The following WDR27 variants were observed in gnomAD, a reference collection of about 807,000 sequenced individuals.
WDR27 encodes the protein WD repeat domain 27.
A neutral mutation model predicts 114.4 loss-of-function variants in WDR27; 100 were observed. The ratio of observed to expected loss-of-function variants is 0.87; its 90% CI spans 0.74 to 1.03. WDR27 has a LOEUF of 1.03. WDR27 is among the 50% of genes least tolerant of loss of function. The probability of loss-of-function intolerance (pLI) is 0.00; values close to 1 mark genes in which losing one functional copy is unlikely to be tolerated. For missense variants in WDR27, 1,129 were observed against 1,092.9 expected, an observed-to-expected ratio of 1.03 and a Z score of -0.47; for synonymous variants, 449 against 423.1, an observed-to-expected ratio of 1.06 and a Z score of -0.75.
chr6:169,476,238 A>G (rs1787140376), intron 25 of WDR27, among the ~76,000 whole-genome samples: 1 of 151,878 alleles, frequency 6.6e-6, no homozygotes, highest in Non-Finnish European at 1.5e-5. Context: ...AGGGCATAAA[A>G]CCCCTCGTGG....
chr6:169,569,240 C>A (rs1800981065), intron 25 of WDR27, among the ~76,000 whole-genome samples: 1 of 149,800 alleles, frequency 6.7e-6, no homozygotes, highest in South Asian at 2.1e-4. Flanking sequence ...AAATTCAATT[C>A]ATTAAACACT....
rs895897211 is a variant in WDR27 at position 169,497,329 on chromosome 6, C to T, written c.2646-39695G>A. Among the ~76,000 whole-genome samples, 2 of 151,974 alleles carry T rather than the reference C, an allele frequency of 1.3e-5. 1 individual carries two copies. The highest frequency in any genetic ancestry group is 4.1e-4 in the South Asian group (2 of 4,824). ...ACAATAAAACTCTTAGAAGAAAACACAGGAAAAAAGCTTTCCAGCATTGAA... is the reference window on the plus strand; with the variant it reads ...ACAATAAAACTCTTAGAAGAAAACATAGGAAAAAAGCTTTCCAGCATTGAA... On this transcript the variant is annotated intron_variant, in intron 25 of 25. Coordinates refer to ENST00000448612, the MANE Select transcript of WDR27 (RefSeq NM_182552.5).
At chr6:169,471,575 G>A (rs1583621116) in intron 25 of WDR27, among the ~76,000 whole-genome samples, 1 of 152,310 alleles carries the variant, frequency 6.6e-6, no homozygotes, top group Admixed American at 6.5e-5. Flanking sequence ...TATGTCATCT[G>A]AAAACAGGTG....
chr6:169,516,170 C>T (rs1793606245), intron 25 of WDR27, among the ~76,000 whole-genome samples: 1 of 152,172 alleles, frequency 6.6e-6, no homozygotes, highest in Admixed American at 6.5e-5. Context: ...AGGGCTGCAA[C>T]AACTGGAAGA....
intron 25 of WDR27, among the ~76,000 whole-genome samples, chr6:169,477,936 CTA>C (rs1441908527): frequency 6.6e-6 from 1 of 152,152 alleles, no homozygotes; most frequent in Non-Finnish European, 1.5e-5. Flanking sequence ...TGTGACATAT[CTA>C]TGCAATGGAA....
intron 23 of WDR27, among the ~76,000 whole-genome samples, chr6:169,586,940 G>A (rs541281756): frequency 1.4e-5 from 2 of 146,100 alleles, no homozygotes; most frequent in African/African-American, 5.0e-5. Flanking sequence ...CGTTCTCACT[G>A]TCCTGCTTTC....
intron 25 of WDR27, among the ~76,000 whole-genome samples, chr6:169,556,007 T>C (rs1430780971): frequency 6.6e-6 from 1 of 152,218 alleles, no homozygotes; most frequent in Non-Finnish European, 1.5e-5. Context: ...CATGCCCTCA[T>C]GTGACCCCTG....
At chr6:169,441,857 T>C in the WDR27 span, among the ~76,000 whole-genome samples, 3 of 152,228 alleles carry the variant, frequency 2.0e-5, no homozygotes, top group African/African-American at 7.2e-5. Flanking sequence ...AAACACTTTA[T>C]TTAGAGATTC....
chr6:169,628,760 T>C (rs1037861238), intron 21 of WDR27, among the ~76,000 whole-genome samples: 6 of 152,188 alleles, frequency 3.9e-5, no homozygotes, highest in African/African-American at 1.4e-4. Flanking sequence ...ACCTTCTGCC[T>C]TGTATTTCTT....
chr6:169,478,563 A>G (rs1029878708), intron 25 of WDR27, among the ~76,000 whole-genome samples: 5 of 141,478 alleles, frequency 3.5e-5, no homozygotes, highest in East Asian at 2.1e-4. Flanking sequence ...ATGCCCAAAG[A>G]AAAAAAAAAG....
At chr6:169,562,832 T>C (rs2128116822) in intron 25 of WDR27, among the ~76,000 whole-genome samples, 1 of 152,136 alleles carries the variant, frequency 6.6e-6, no homozygotes, top group South Asian at 2.1e-4. Context: ...GCCGATGAGA[T>C]AGAGGATGAG....
At chr6:169,632,189 C>CAAA (rs1012298678) in intron 21 of WDR27, among the ~76,000 whole-genome samples, 25 of 63,662 alleles carry the variant, frequency 3.9e-4, no homozygotes, top group Admixed American at 3.5e-4. Flanking sequence ...GACTCTGTCT[C>CAAA]AAAAAAAAAA....
In WDR27 at chr6:169,689,990, C is replaced by T. The variant is rs1426022679; in HGVS notation, c.-7-978G>A. 2.6e-5 allele frequency among the ~76,000 whole-genome samples: 4 copies of T among 151,978 alleles called. No homozygotes were observed. The East Asian group carries it at 5.8e-4, about 22-fold the overall frequency. Reference sequence around the variant, plus strand: ...GTCATGTGGATTCACAGGATCCACCCGTGAGGCCCTCATGCTGGTCATGTG... The same window carrying T: ...GTCATGTGGATTCACAGGATCCACCTGTGAGGCCCTCATGCTGGTCATGTG... On this transcript the variant is annotated intron_variant, in intron 1 of 25. Coordinates refer to ENST00000448612, the MANE Select transcript of WDR27 (RefSeq NM_182552.5).
rs1317226197 is a variant in WDR27 at position 169,583,488 on chromosome 6, C to CAT, written c.2425-556_2425-555dup. Among the ~76,000 whole-genome samples, 44 of 13,978 alleles carry CAT rather than the reference C, an allele frequency of 3.1e-3. No individual in the cohort carries two copies. The South Asian group carries it at 0.11, about 37-fold the overall frequency. 9.2% of individuals were successfully genotyped at this position (13,978 alleles called of 152,430 possible). On this transcript the variant is annotated intron_variant, in intron 23 of 25. Transcript: ENST00000448612. ...TTGTGTGTGTGTGTGTGTATATATA[C>CAT]ATATATATATATATATGTATATATA...
chr6:169,649,715 T>C (rs1299174947), intron 14 of WDR27, among the ~76,000 whole-genome samples: 2 of 151,778 alleles, frequency 1.3e-5, no homozygotes, highest in African/African-American at 2.4e-5. Flanking sequence ...CATCCAACCA[T>C]CACCCATCCA....
chr6:169,579,009 C>T (rs1325540098), intron 24 of WDR27, among the ~76,000 whole-genome samples: 2 of 152,166 alleles, frequency 1.3e-5, no homozygotes, highest in East Asian at 3.9e-4. Context: ...AGTCTGCCTC[C>T]TGGCTGAGCC....
chr6:169,661,385 C>T (rs139665118), intron 9 of WDR27, among the ~76,000 whole-genome samples: 44 of 152,266 alleles, frequency 2.9e-4, no homozygotes, highest in African/African-American at 1.0e-3. Context: ...CCAATGCCAA[C>T]GGGGTCTGTT....
At chr6:169,658,506 TG>T in intron 12 of WDR27, 148 bp from the exon 13 acceptor site, 1 of 630,984 alleles carries the variant, frequency 1.6e-6, no homozygotes, top group Non-Finnish European at 2.8e-6. Flanking sequence ...AACTGTCAAG[TG>T]TATTCTTATC....
chr6:169,458,357 A>G (rs1784526968), intron 25 of WDR27, among the ~76,000 whole-genome samples: 1 of 152,154 alleles, frequency 6.6e-6, no homozygotes, highest in African/African-American at 2.4e-5. Context: ...GCGAGCAGCC[A>G]TTGTTACTGT....
Sources: allele counts gnomAD v4.1 joint callset (sites outside exome capture counted in the v4.1 genomes callset), GRCh38; gene constraint gnomAD v4.1.1; transcripts MANE v1.5; gene names NCBI Gene and HGNC (gene_info 2026-07-23, HGNC 2026-07-21).